The following ZMYND11 variants were observed in gnomAD, a reference collection of about 807,000 sequenced individuals.
ZMYND11 encodes the protein zinc finger MYND-type containing 11.
A neutral mutation model predicts 84.9 loss-of-function variants in ZMYND11; 9 were observed. That is an observed-to-expected ratio of 0.11 (90% CI 0.06 to 0.18). The LOEUF (loss-of-function observed/expected upper bound fraction) is 0.18. Among genes scored for constraint, ZMYND11 ranks in the 10% least tolerant of loss-of-function variants. The pLI, the probability that ZMYND11 is intolerant of heterozygous loss-of-function variation, is 1.00. For synonymous variants in ZMYND11, 250 were observed against 244.1 expected (o/e 1.02, Z -0.23); for missense variants, 409 against 761.0 (o/e 0.54, Z 5.44).
intron 4 of ZMYND11, among the ~76,000 whole-genome samples, chr10:223,847 G>C (rs998967289): frequency 3.3e-5 from 5 of 152,124 alleles, no homozygotes; most frequent in Non-Finnish European, 7.4e-5. Flanking sequence ...CCGTTTTTTA[G>C]GAGAGTGACC....
At position 182,787 on chromosome 10, in the gene ZMYND11, T is replaced by A. The variant is rs116443566; in HGVS notation, c.116+2659T>A. On this transcript the variant is annotated intron_variant, in intron 2 of 14. Transcript: ENST00000381604. ...TTTATTAAACTTGCCTAAGGTAAGT[T>A]AGGAAGTAGCATTGCATTATGGCAG... is the stretch of plus-strand genomic sequence containing the variant. Among the ~76,000 whole-genome samples the A allele has an allele frequency of 2.5e-3, 380 of 152,298 alleles. 3 individuals are homozygous for A. Among genetic ancestry groups the A allele is most frequent in the African/African-American group, 8.8e-3 (365 of 41,568 alleles).
chr10:226,963 A>C (rs1460997535), intron 4 of ZMYND11, among the ~76,000 whole-genome samples: 3 of 152,316 alleles, frequency 2.0e-5, no homozygotes, highest in African/African-American at 4.8e-5. Flanking sequence ...CTCGTCCCCT[A>C]CAAATGTTTC....
chr10:162,164 A>G (rs1843073753), intron 1 of ZMYND11, among the ~76,000 whole-genome samples: 1 of 152,110 alleles, frequency 6.6e-6, no homozygotes, highest in Non-Finnish European at 1.5e-5. Flanking sequence ...GAGCAGAGGG[A>G]GATAGATGGG....
chr10:181,080 T>G (rs747264986), intron 2 of ZMYND11, among the ~76,000 whole-genome samples: 15 of 152,210 alleles, frequency 9.9e-5, no homozygotes, highest in Non-Finnish European at 2.1e-4. Context: ...GTTTTGTTTC[T>G]CTGGGTATTC....
intron 10 of ZMYND11, among the ~76,000 whole-genome samples, chr10:243,782 G>A (rs559794119): frequency 2.0e-5 from 3 of 152,106 alleles, no homozygotes; most frequent in Non-Finnish European, 2.9e-5. Flanking sequence ...GGAGAATGGC[G>A]TGAACCCGGG....
intron 9 of ZMYND11, 21 bp downstream of exon 9, chr10:240,991 A>G: frequency 6.3e-7 from 1 of 1,589,280 alleles, no homozygotes; most frequent in Non-Finnish European, 8.6e-7. Context: ...TTTTTACCTC[A>G]AGTGTGTAAC....
intron 1 of ZMYND11, among the ~76,000 whole-genome samples, chr10:146,093 C>T (rs1043686760): frequency 1.3e-5 from 2 of 152,156 alleles, no homozygotes; most frequent in East Asian, 1.9e-4. Context: ...CATTCTTCTA[C>T]GTATGGCTAT....
rs1405120964 is a variant in ZMYND11 at position 248,798 on chromosome 10, G to A, written c.1501-105G>A. 2.1e-6 allele frequency: 3 copies of A among 1,445,610 alleles called. No homozygotes were observed. The African/African-American group carries it at 4.3e-5, about 21-fold the overall frequency. The allele number at this position is 1,445,610 out of a possible 1,614,324, so 89.5% of individuals were successfully genotyped here. A position where few individuals can be genotyped will look rare whatever the true frequency, so the allele number is the denominator to read the frequency against. On this transcript the variant is annotated intron_variant, in intron 13 of 14. Transcript: ENST00000381604. ...TAAATTTTTTACACATGTAATGAAG[G>A]GGAAAAAAGGTACCTCATGCAAGTT...
chr10:166,617 A>G (rs1244522590), intron 1 of ZMYND11, among the ~76,000 whole-genome samples: 1 of 152,134 alleles, frequency 6.6e-6, no homozygotes, highest in African/African-American at 2.4e-5. Context: ...ATGTGGAGAA[A>G]TTGGAACACT....
intron 1 of ZMYND11, among the ~76,000 whole-genome samples, chr10:158,725 G>A (rs1269271225): frequency 6.6e-6 from 1 of 151,426 alleles, no homozygotes; most frequent in Non-Finnish European, 1.5e-5. Flanking sequence ...CCAGCCTATT[G>A]TATGATTTCT....
intron 1 of ZMYND11, among the ~76,000 whole-genome samples, chr10:176,685 A>G (rs1412955450): frequency 1.3e-5 from 2 of 152,202 alleles, no homozygotes; most frequent in Non-Finnish European, 2.9e-5. Context: ...AAACAAATTG[A>G]TATTAGAATA....
intron 2 of ZMYND11, among the ~76,000 whole-genome samples, chr10:199,472 A>T (rs1043427442): frequency 6.6e-6 from 1 of 152,116 alleles, no homozygotes; most frequent in African/African-American, 2.4e-5. Flanking sequence ...AGTGTCGCCT[A>T]GGCAGAAATG....
chr10:210,184 C>A (rs1944945284), intron 3 of ZMYND11, 136 bp downstream of exon 3: 1 of 934,660 alleles, frequency 1.1e-6, no homozygotes, highest in East Asian at 2.6e-5. Context: ...TAAGGCTCTA[C>A]ATTGGTAGTA....
At position 240,823 on chromosome 10, in the gene ZMYND11, G is replaced by C. The variant is rs908886728; in HGVS notation, c.754-70G>C. On this transcript the variant is annotated intron_variant, in intron 8 of 14. Coordinates refer to ENST00000381604, the MANE Select transcript of ZMYND11 (RefSeq NM_001370100.5). ...ATATACGTGAATGTTAATTTACATG[G>C]ATACATTTTATATAGTTTAATGTGT... 93 of 1,108,244 alleles carry C rather than the reference G, an allele frequency of 8.4e-5. No individual in the cohort carries two copies. In the African/African-American group the frequency reaches 1.3e-3, roughly 16 times the overall value. 68.7% of individuals were successfully genotyped at this position (1,108,244 alleles called of 1,614,324 possible). A position where few individuals can be genotyped will look rare whatever the true frequency, so the allele number is the denominator to read the frequency against.
chr10:237,747 C>T, intron 6 of ZMYND11, 70 bp downstream of exon 6: 2 of 1,237,330 alleles, frequency 1.6e-6, no homozygotes, highest in Admixed American at 2.4e-5. Context: ...AATAATGTAG[C>T]AGTTAAGCAG....
chr10:229,541 G>A (rs1177827125), intron 4 of ZMYND11, among the ~76,000 whole-genome samples: 1 of 152,118 alleles, frequency 6.6e-6, no homozygotes, highest in Admixed American at 6.5e-5. Context: ...GTAGTTTAAT[G>A]TGATTCGTTC....
chr10:223,091 A>G (rs553001577), intron 4 of ZMYND11, among the ~76,000 whole-genome samples: 13 of 150,192 alleles, frequency 8.7e-5, no homozygotes, highest in African/African-American at 2.5e-4. Context: ...GGGCAGTGGC[A>G]TGATCTCGGC....
chr10:220,651 C>T (rs1275041966), intron 3 of ZMYND11, among the ~76,000 whole-genome samples: 1 of 152,156 alleles, frequency 6.6e-6, no homozygotes, highest in African/African-American at 2.4e-5. Context: ...GAAAATCTGA[C>T]ATCCTATCAG....
upstream of ZMYND11, among the ~76,000 whole-genome samples, chr10:131,007 C>T (rs1835300934): frequency 6.6e-6 from 1 of 152,100 alleles, no homozygotes; most frequent in African/African-American, 2.4e-5. Flanking sequence ...GTCCCAGCTG[C>T]TCGGGAGGCT....
Sources: allele counts gnomAD v4.1 joint callset (sites outside exome capture counted in the v4.1 genomes callset), GRCh38; gene constraint gnomAD v4.1.1; transcripts MANE v1.5; gene names NCBI Gene and HGNC (gene_info 2026-07-23, HGNC 2026-07-21).